The following PHLDB2 variants were observed in gnomAD, a reference collection of about 807,000 sequenced individuals.
The protein encoded by PHLDB2 is pleckstrin homology-like domain family B member 2.
Under a neutral mutation model 123.6 loss-of-function variants are expected in PHLDB2, and 71 were observed. The observed-to-expected ratio is 0.57, with a 90% CI of 0.47 to 0.70. The LOEUF is 0.70. Ranked by LOEUF, PHLDB2 falls within the 30% of genes least tolerant of loss-of-function variation. The pLI is 0.00. For synonymous variants in PHLDB2, 547 were observed against 541.6 expected (o/e 1.01, Z -0.14); for missense variants, 1,446 against 1,519.5 (o/e 0.95, Z 0.80).
chr3:111,755,929 C>G (rs2059880257), intron 1 of PHLDB2, among the ~76,000 whole-genome samples: 1 of 151,070 alleles, frequency 6.6e-6, no homozygotes, highest in African/African-American at 2.4e-5. Flanking sequence ...CATTCAGGAG[C>G]AGGTTGTTCA....
intron 1 of PHLDB2, among the ~76,000 whole-genome samples, chr3:111,828,039 C>T (rs994574576): frequency 5.9e-5 from 9 of 152,246 alleles, no homozygotes; most frequent in African/African-American, 2.2e-4. Context: ...AGACTAACAG[C>T]TATTCACAGT....
intron 13 of PHLDB2, among the ~76,000 whole-genome samples, chr3:111,965,310 A>G (rs573203589): frequency 6.6e-6 from 1 of 152,318 alleles, no homozygotes; most frequent in South Asian, 2.1e-4. Context: ...TGTTAAGCTT[A>G]TAAGGATCCG....
intron 1 of PHLDB2, among the ~76,000 whole-genome samples, chr3:111,798,712 T>TAAAA (rs60755857): frequency 6.6e-6 from 1 of 151,532 alleles, no homozygotes; most frequent in Non-Finnish European, 1.5e-5. Flanking sequence ...TAAAATAAAA[T>TAAAA]GTTATTTTAT....
At chr3:111,946,269 G>A (rs186612725) in intron 9 of PHLDB2, among the ~76,000 whole-genome samples, 3 of 152,302 alleles carry the variant, frequency 2.0e-5, no homozygotes, top group East Asian at 3.9e-4. Context: ...TGATCTGCCT[G>A]CCTTGGCCTC....
chr3:111,857,460 A>AAAAAAAG (rs71131985), upstream of PHLDB2, among the ~76,000 whole-genome samples: 86 of 81,044 alleles, frequency 1.1e-3, no homozygotes, highest in African/African-American at 1.8e-3. Flanking sequence ...CAAAAAAAAA[A>AAAAAAAG]AAAAGAAAAG....
chr3:111,884,501 C>A lies in PHLDB2; in HGVS notation c.424C>A (p.Leu142Ile). 1 of 1,614,158 alleles carries A rather than the reference C, an allele frequency of 6.2e-7. No homozygotes were observed. The highest frequency in any genetic ancestry group is 8.5e-7 in the Non-Finnish European group (1 of 1,180,012). The change falls in exon 2 of 18, where the codon CTC becomes ATC. Residue 142 changes from leucine to isoleucine, a missense_variant. Leu to Ile is a conservative substitution (Grantham distance 5). Transcript: ENST00000431670. ...CCGGGACAGTGAAAGGGCCTTGAGG[C>A]TCTCAGAGAAGCCTCCCTATTCCAA... The part of the protein sequence containing the change: ...TGRDSERALR[L>I]SEKPPYSKYS...
chr3:111,806,315 G>A (rs1398685218), intron 1 of PHLDB2, among the ~76,000 whole-genome samples: 1 of 151,872 alleles, frequency 6.6e-6, no homozygotes, highest in African/African-American at 2.4e-5. Context: ...CACACCTGTG[G>A]CAGTCAATCC....
At chr3:111,971,879 G>T (rs1179773061) in intron 16 of PHLDB2, among the ~76,000 whole-genome samples, 1 of 152,200 alleles carries the variant, frequency 6.6e-6, no homozygotes, top group Non-Finnish European at 1.5e-5. Flanking sequence ...CATATTAACT[G>T]GGATCTTTAG....
At chr3:111,865,008 A>G (rs1362865674) in intron 1 of PHLDB2, among the ~76,000 whole-genome samples, 1 of 152,232 alleles carries the variant, frequency 6.6e-6, no homozygotes, top group African/African-American at 2.4e-5. Flanking sequence ...AGAGTTTTCC[A>G]AGATTTCTTT....
chr3:111,855,769 A>G (rs944318457), upstream of PHLDB2, among the ~76,000 whole-genome samples: 1 of 150,920 alleles, frequency 6.6e-6, no homozygotes, highest in African/African-American at 2.4e-5. Flanking sequence ...AGCTGGGACT[A>G]CAGATGGTGC....
chr3:111,795,224 C>A (rs2108225723), intron 1 of PHLDB2, among the ~76,000 whole-genome samples: 1 of 152,256 alleles, frequency 6.6e-6, no homozygotes, highest in Admixed American at 6.5e-5. Flanking sequence ...ATTCTTAGGT[C>A]TCCACCCTTC....
intron 1 of PHLDB2, among the ~76,000 whole-genome samples, chr3:111,792,984 GACCCA>G (rs2060991538): frequency 6.6e-6 from 1 of 152,190 alleles, no homozygotes; most frequent in Non-Finnish European, 1.5e-5. Context: ...CACTGATTCA[GACCCA>G]AAGCTAGCAC....
At chr3:111,859,597 G>C (rs2064692038) in intron 1 of PHLDB2, 21 bp downstream of exon 1, 5 of 985,442 alleles carry the variant, frequency 5.1e-6, no homozygotes, top group Non-Finnish European at 6.0e-6. Context: ...GGCGGTGGTC[G>C]CCCGGGAGGA....
In PHLDB2 at chr3:111,975,810, G is replaced by A. The variant is rs1030925588; in HGVS notation, c.*1247G>A. The A allele has an allele frequency of 6.6e-6, 1 of 152,614 alleles. No homozygotes were observed. Among genetic ancestry groups the A allele is most frequent in the Admixed American group, 6.5e-5 (1 of 15,288 alleles). The allele number at this position is 152,614 out of a possible 1,614,324, so 9.5% of individuals were successfully genotyped here. A position where few individuals can be genotyped will look rare whatever the true frequency, so the allele number is the denominator to read the frequency against. ...TTTCCTAAAACATGGCAAATGAATAGATGTAGAGAATAACAATATTACTTA... is the reference window on the plus strand; with the variant it reads ...TTTCCTAAAACATGGCAAATGAATAAATGTAGAGAATAACAATATTACTTA... On this transcript the variant is annotated 3_prime_UTR_variant, in exon 18 of 18. Coordinates refer to ENST00000431670, the MANE Select transcript of PHLDB2 (RefSeq NM_001134438.2).
intron 1 of PHLDB2, among the ~76,000 whole-genome samples, chr3:111,865,372 A>G (rs2065018309): frequency 6.6e-6 from 1 of 152,190 alleles, no homozygotes; most frequent in African/African-American, 2.4e-5. Flanking sequence ...TTGGAATGTC[A>G]TGGGCAACAG....
chr3:111,751,811 A>G (rs1012633681), intron 1 of PHLDB2, among the ~76,000 whole-genome samples: 1 of 152,150 alleles, frequency 6.6e-6, no homozygotes, highest in Non-Finnish European at 1.5e-5. Flanking sequence ...CACCTTGTGC[A>G]CATGTACCCT....
intron 4 of PHLDB2, among the ~76,000 whole-genome samples, chr3:111,919,623 C>A (rs1381832910): frequency 6.6e-6 from 1 of 152,222 alleles, no homozygotes; most frequent in South Asian, 2.1e-4. Context: ...GAAATTCACA[C>A]ACGGATCAAA....
At chr3:111,736,661 G>A (rs2059512655) in intron 1 of PHLDB2, among the ~76,000 whole-genome samples, 1 of 152,148 alleles carries the variant, frequency 6.6e-6, no homozygotes, top group African/African-American at 2.4e-5. Context: ...AATGCCAAAT[G>A]ACTACACAGC....
chr3:111,832,163 A>G (rs2063069660), intron 1 of PHLDB2, among the ~76,000 whole-genome samples: 3 of 152,042 alleles, frequency 2.0e-5, no homozygotes, highest in Admixed American at 1.3e-4. Context: ...AGCAACTACC[A>G]CAACTCTAAC....
Sources: allele counts gnomAD v4.1 joint callset (sites outside exome capture counted in the v4.1 genomes callset), GRCh38; gene constraint gnomAD v4.1.1; transcripts MANE v1.5; gene names NCBI Gene and HGNC (gene_info 2026-07-23, HGNC 2026-07-21).